Variants in TTBK2 observed in about 807,000 individuals in gnomAD.
The protein encoded by TTBK2 is tau tubulin kinase 2, also known as tau-tubulin kinase 2.
In TTBK2, 28 loss-of-function variants were observed where a neutral mutation model predicts 110.8. The observed-to-expected ratio is 0.25, with a 90% CI of 0.19 to 0.35. TTBK2 has a LOEUF of 0.35. Among genes scored for constraint, TTBK2 ranks in the 10% least tolerant of loss-of-function variants. The probability of loss-of-function intolerance (pLI) is 1.00; values close to 1 mark genes in which losing one functional copy is unlikely to be tolerated. For missense variants in TTBK2, 1,369 were observed against 1,500.3 expected (o/e 0.91, Z 1.45); for synonymous variants, 532 against 527.3 (o/e 1.01, Z -0.12).
chr15:42,779,921 G>A (rs1890106933), intron 11 of TTBK2, among the ~76,000 whole-genome samples: 1 of 152,116 alleles, frequency 6.6e-6, no homozygotes, highest in South Asian at 2.1e-4. Context: ...GGAGGTTGTA[G>A]TGAGCTGAGA....
chr15:42,815,770 C>T (rs1891912094), intron 7 of TTBK2, among the ~76,000 whole-genome samples: 1 of 149,028 alleles, frequency 6.7e-6, no homozygotes, highest in African/African-American at 2.5e-5. Flanking sequence ...ATGACTCCCA[C>T]ATTTCATTAG....
chr15:42,791,853 T>G (rs1890699907), intron 10 of TTBK2, among the ~76,000 whole-genome samples: 1 of 152,132 alleles, frequency 6.6e-6, no homozygotes, highest in Non-Finnish European at 1.5e-5. Context: ...TAACAATAGC[T>G]TGTGTAGGCT....
rs908534680 is a variant in TTBK2, at chr15:42,811,927, T to C, written c.604-147A>G. On this transcript the variant is annotated intron_variant, in intron 7 of 14. Coordinates refer to ENST00000267890, the MANE Select transcript of TTBK2 (RefSeq NM_173500.4). Reference sequence around the variant, plus strand: ...AAATTATATGATAAACATATATATATATATAAATTTACATAGCTATACAGC... The same window carrying C: ...AAATTATATGATAAACATATATATACATATAAATTTACATAGCTATACAGC... 20 of 484,232 alleles carry C rather than the reference T, an allele frequency of 4.1e-5. No homozygotes were observed. In the East Asian group the frequency reaches 5.3e-4, roughly 13 times the overall value. 30.0% of individuals were successfully genotyped at this position (484,232 alleles called of 1,614,324 possible).
chr15:42,857,969 G>A (rs1451804183), intron 3 of TTBK2, among the ~76,000 whole-genome samples: 10 of 152,084 alleles, frequency 6.6e-5, no homozygotes, highest in Non-Finnish European at 1.3e-4. Context: ...TGTCGTCCCA[G>A]CTACTAGGGA....
intron 13 of TTBK2, among the ~76,000 whole-genome samples, chr15:42,761,664 T>G (rs1595884822): frequency 6.7e-6 from 1 of 149,226 alleles, no homozygotes; most frequent in African/African-American, 2.5e-5. Flanking sequence ...AAAGAAGATA[T>G]AGAAATGGCC....
chr15:42,869,663 G>C (rs1041559839), intron 3 of TTBK2, among the ~76,000 whole-genome samples: 3 of 151,852 alleles, frequency 2.0e-5, no homozygotes, highest in African/African-American at 7.3e-5. Context: ...AAATGGAGAG[G>C]GCGAAGAGAC....
chr15:42,857,218 A>C (rs1893979787), intron 3 of TTBK2, among the ~76,000 whole-genome samples: 1 of 152,184 alleles, frequency 6.6e-6, no homozygotes, highest in African/African-American at 2.4e-5. Flanking sequence ...AAACAGTTCT[A>C]AAAAGTAAAG....
intron 13 of TTBK2, among the ~76,000 whole-genome samples, chr15:42,772,308 G>A (rs912513848): frequency 2.0e-5 from 3 of 152,100 alleles, no homozygotes; most frequent in African/African-American, 7.2e-5. Context: ...CCCAAATGGC[G>A]AGGAACTAGA....
In TTBK2 at chr15:42,780,766, G is replaced by A. The variant is rs140121498; in HGVS notation, c.1197+2653C>T. 5.2e-3 allele frequency among the ~76,000 whole-genome samples: 785 copies of A among 152,232 alleles called. 3 individuals carry two copies. The highest frequency in any genetic ancestry group is 8.4e-3 in the Non-Finnish European group (569 of 68,014). On this transcript the variant is annotated intron_variant, in intron 11 of 14. Coordinates refer to ENST00000267890, the MANE Select transcript of TTBK2 (RefSeq NM_173500.4). ...AAATCACCTCAGGTCAGGAGTTCGA[G>A]ACCATCCTGGCCAATATGGCAAAAC...
At position 42,761,281 on chromosome 15, in the gene TTBK2, T is replaced by C. The variant is rs114995453; in HGVS notation, c.1999-8034A>G. 2.3e-3 allele frequency among the ~76,000 whole-genome samples: 350 copies of C among 152,290 alleles called. 1 individual carries two copies. The highest frequency in any genetic ancestry group is 8.1e-3 in the African/African-American group (338 of 41,548). ...CAGAACACTGGTCTAGGAAAATACT[T>C]TATGAATAAGACCTCAAAAGCACAG... On this transcript the variant is annotated intron_variant, in intron 13 of 14. Transcript: ENST00000267890.
chr15:42,914,070 G>A (rs1049733221), intron 1 of TTBK2, among the ~76,000 whole-genome samples: 3 of 151,298 alleles, frequency 2.0e-5, no homozygotes, highest in South Asian at 4.2e-4. Context: ...TCCACCTCCC[G>A]GATTCAAGCG....
chr15:42,808,497 TGGA>T (rs1891574105), intron 9 of TTBK2, among the ~76,000 whole-genome samples: 1 of 151,888 alleles, frequency 6.6e-6, no homozygotes, highest in South Asian at 2.1e-4. Flanking sequence ...TGCTTGTTGC[TGGA>T]GGAGGTTTAT....
chr15:42,815,965 A>T, intron 7 of TTBK2, among the ~76,000 whole-genome samples: 1 of 109,664 alleles, frequency 9.1e-6, no homozygotes, highest in Non-Finnish European at 1.7e-5. Context: ...AAAAATATAT[A>T]TATATATATA....
chr15:42,808,051 C>T (rs1891549659), intron 9 of TTBK2, among the ~76,000 whole-genome samples: 1 of 152,158 alleles, frequency 6.6e-6, no homozygotes, highest in South Asian at 2.1e-4. Context: ...AAAACAGACT[C>T]ATACATAAAT....
At chr15:42,763,893 A>C (rs1271368372) in intron 13 of TTBK2, among the ~76,000 whole-genome samples, 3 of 152,202 alleles carry the variant, frequency 2.0e-5, no homozygotes, top group Non-Finnish European at 2.9e-5. Context: ...TCCCCAGACA[A>C]GTCACTCATT....
At chr15:42,773,345 G>C (rs1385888873) in intron 13 of TTBK2, among the ~76,000 whole-genome samples, 1 of 152,148 alleles carries the variant, frequency 6.6e-6, no homozygotes, top group Non-Finnish European at 1.5e-5. Context: ...GCTGAGGCAG[G>C]AGAATCACTT....
Position 42,815,915 on chromosome 15 carries a change from T to TATATATATATTTAAAA in TTBK2, c.603+1101_603+1116dup, listed in dbSNP as rs1891936176. 3.0e-5 allele frequency among the ~76,000 whole-genome samples: 3 copies of TATATATATATTTAAAA among 99,994 alleles called. No individual in the cohort carries two copies. The East Asian group carries it at 8.9e-4, about 30-fold the overall frequency. The allele number at this position is 99,994 out of a possible 152,430, so 65.6% of individuals were successfully genotyped here. A position where few individuals can be genotyped will look rare whatever the true frequency, so the allele number is the denominator to read the frequency against. On this transcript the variant is annotated intron_variant, in intron 7 of 14. Transcript: ENST00000267890. Reference sequence around the variant, plus strand: ...AAAAATATATATATATATTTAAAAATATATATATATTTAAAAATATATATA... The same window carrying TATATATATATTTAAAA: ...AAAAATATATATATATATTTAAAAATATATATATATTTAAAAATATATATATTTAAAAATATATATA...
chr15:42,841,478 T>C (rs1239225561), intron 3 of TTBK2, among the ~76,000 whole-genome samples: 3 of 152,208 alleles, frequency 2.0e-5, no homozygotes, highest in African/African-American at 7.2e-5. Context: ...CCCAAAGTGC[T>C]GAGATTACAG....
At chr15:42,874,814 C>T (rs1248142190) in intron 2 of TTBK2, among the ~76,000 whole-genome samples, 2 of 150,912 alleles carry the variant, frequency 1.3e-5, no homozygotes, top group East Asian at 2.0e-4. Context: ...CGTGAAAGCC[C>T]GTCTCTACTA....
Sources: allele counts gnomAD v4.1 joint callset (sites outside exome capture counted in the v4.1 genomes callset), GRCh38; gene constraint gnomAD v4.1.1; transcripts MANE v1.5; gene names NCBI Gene and HGNC (gene_info 2026-07-23, HGNC 2026-07-21).